The following ADAMTS9 variants were observed in gnomAD, a reference collection of about 807,000 sequenced individuals.
The protein encoded by ADAMTS9 is A disintegrin and metalloproteinase with thrombospondin motifs 9.
In ADAMTS9, 107 loss-of-function variants were observed where a neutral mutation model predicts 257.1. The ratio of observed to expected loss-of-function variants is 0.42; its 90% CI spans 0.36 to 0.49. ADAMTS9 has a LOEUF of 0.49. Among genes scored for constraint, ADAMTS9 ranks in the 20% least tolerant of loss-of-function variants. ADAMTS9 has a pLI of 0.03. For synonymous variants in ADAMTS9, 982 were observed against 880.9 expected, an observed-to-expected ratio of 1.11 and a Z score of -2.03; for missense variants, 2,353 against 2,469.1, an observed-to-expected ratio of 0.95 and a Z score of 1.00.
chr3:64,553,424 T>C (rs1479542994), intron 30 of ADAMTS9, among the ~76,000 whole-genome samples: 1 of 152,240 alleles, frequency 6.6e-6, no homozygotes, highest in Non-Finnish European at 1.5e-5. Context: ...TGTACGGATA[T>C]ACCACATTTT....
intron 4 of ADAMTS9, among the ~76,000 whole-genome samples, chr3:64,657,883 G>A (rs1031195395): frequency 6.6e-5 from 10 of 152,038 alleles, no homozygotes; most frequent in Middle Eastern, 3.2e-3. Context: ...TTAAAAAATC[G>A]TGCAAATTTA....
rs1326283918 is a variant in ADAMTS9, at chr3:64,594,282, T to C, written c.4332A>G (p.Ala1444=). 1.9e-6 allele frequency: 3 copies of C among 1,613,844 alleles called. No individual in the cohort carries two copies. Among genetic ancestry groups the C allele is most frequent in the African/African-American group, 1.3e-5 (1 of 74,914 alleles). ...CCGAGCTCCAAGGGCCAGTACTCCA[T>C]GCAGCGTCGTGTGGACAAGCATGTG... is the stretch of plus-strand genomic sequence containing the variant. ...CNTHACPHDA[A]WSTGPWSSCS... is the part of the protein sequence containing the mutation. The change falls in exon 28 of 40, where the codon GCA becomes GCG. Residue 1444 remains alanine (A), a synonymous_variant. Coordinates refer to ENST00000498707, the MANE Select transcript of ADAMTS9 (RefSeq NM_182920.2).
chr3:64,547,059 A>G, intron 31 of ADAMTS9, 107 bp from the exon 32 acceptor site: 1 of 989,116 alleles, frequency 1.0e-6, no homozygotes. Flanking sequence ...TATGCTGCAG[A>G]AAGCTCCCAC....
At chr3:64,563,220 C>T (rs2083458675) in intron 29 of ADAMTS9, 1 of 152,064 alleles carries the variant, frequency 6.6e-6, no homozygotes, top group African/African-American at 2.4e-5. Flanking sequence ...ATAATATTTC[C>T]CATTGATTAC....
chr3:64,668,978 A>G (rs1701417535), intron 3 of ADAMTS9, among the ~76,000 whole-genome samples: 1 of 152,122 alleles, frequency 6.6e-6, no homozygotes, highest in South Asian at 2.1e-4. Context: ...TAAGGCCTGC[A>G]GCTGAAACCC....
At chr3:64,632,015 A>T in intron 14 of ADAMTS9, 90 bp from the exon 15 acceptor site, 2 of 944,854 alleles carry the variant, frequency 2.1e-6, no homozygotes, top group South Asian at 3.1e-5. Flanking sequence ...GTGTGCACTA[A>T]AAATGACAAG....
chr3:64,637,880 A>G (rs1700539201), intron 12 of ADAMTS9, among the ~76,000 whole-genome samples: 1 of 152,210 alleles, frequency 6.6e-6, no homozygotes, highest in Non-Finnish European at 1.5e-5. Flanking sequence ...TCTTTTACTT[A>G]TTCATTAGTT....
chr3:64,541,926 T>C lies in ADAMTS9; in HGVS notation c.5109A>G (p.Gln1703=), dbSNP rs1226471719. The part of the protein sequence containing the change: ...CGVGVMQRSV[Q]CLTNEDQPSH... ...TGGGTTGGTCCTCATTGGTTAAACA[T>C]TGCACAGATCTCTGCATCACTCCAA... Residue 1703 remains glutamine, a synonymous_variant, in exon 33 of 40, where the codon CAA becomes CAG. Transcript: ENST00000498707. The C allele has an allele frequency of 6.2e-7, 1 of 1,614,130 alleles. No individual in the cohort carries two copies.
intron 37 of ADAMTS9, among the ~76,000 whole-genome samples, chr3:64,533,715 G>C (rs1313424644): frequency 6.6e-6 from 1 of 152,166 alleles, no homozygotes; most frequent in Non-Finnish European, 1.5e-5. Flanking sequence ...TGGGCTTCCA[G>C]CTCCCTGGGG....
At chr3:64,667,598 A>G (rs1236683545) in intron 3 of ADAMTS9, among the ~76,000 whole-genome samples, 1 of 152,106 alleles carries the variant, frequency 6.6e-6, no homozygotes, top group Non-Finnish European at 1.5e-5. Flanking sequence ...GCCTCCAGCT[A>G]CCTGGGGAGT....
intron 28 of ADAMTS9, chr3:64,589,126 C>T (rs939289315): frequency 1.3e-5 from 2 of 152,072 alleles, no homozygotes; most frequent in African/African-American, 4.8e-5. Context: ...TGATATCATC[C>T]TGTTAATCTG....
chr3:64,544,631 T>G (rs1251713112), intron 32 of ADAMTS9, among the ~76,000 whole-genome samples: 1 of 152,190 alleles, frequency 6.6e-6, no homozygotes, highest in African/African-American at 2.4e-5. Flanking sequence ...GATTAAAGAC[T>G]TAAATGTTAG....
Position 64,633,678 on chromosome 3 carries a change from G to C in ADAMTS9, c.2038+20C>G. ...AGTGCCGGCCGGCCAACGGTGAACA[G>C]ATACACCAGACACACTTACTTCCAC... On this transcript the variant is annotated intron_variant, in intron 13 of 39. Transcript: ENST00000498707. 6.2e-7 allele frequency: 1 copy of C among 1,613,720 alleles called. No individual in the cohort carries two copies. The highest frequency in any genetic ancestry group is 1.1e-5 in the South Asian group (1 of 91,060).
chr3:64,589,497 T>C (rs2084220280), intron 28 of ADAMTS9: 1 of 152,214 alleles, frequency 6.6e-6, no homozygotes, highest in Non-Finnish European at 1.5e-5. Context: ...AGCACCTCCC[T>C]CATGGGTTAA....
chr3:64,642,009 G>T lies in ADAMTS9; in HGVS notation c.1711-16C>A. 2 of 1,613,532 alleles carry T rather than the reference G, an allele frequency of 1.2e-6. No homozygotes were observed. Among genetic ancestry groups the T allele is most frequent in the Non-Finnish European group, 1.7e-6 (2 of 1,179,618 alleles). On this transcript the variant is annotated splice_polypyrimidine_tract_variant and intron_variant, in intron 11 of 39. Coordinates refer to ENST00000498707, the MANE Select transcript of ADAMTS9 (RefSeq NM_182920.2). The stretch of plus-strand genomic sequence containing the variant: ...ACTTGCAGTGCTGTATTTAATAAGG[G>T]GAATAGTGAGGGAGACTTGGCGCTG...
At chr3:64,574,264 G>C (rs1195402386) in intron 28 of ADAMTS9, among the ~76,000 whole-genome samples, 1 of 152,166 alleles carries the variant, frequency 6.6e-6, no homozygotes, top group Non-Finnish European at 1.5e-5. Flanking sequence ...ATTATGAGCA[G>C]GATATTGGGA....
In ADAMTS9 at chr3:64,654,373, G is replaced by A. The variant is rs767859551; in HGVS notation, c.1296C>T (p.Ile432=). The part of the protein sequence containing the change: ...EDSGLSTAFT[I]AHELGHVFNM... The stretch of plus-strand genomic sequence containing the variant: ...CTCACACATGGCCCAGCTCATGGGC[G>A]ATCGTAAAAGCTGTACTCAATCCAC... Residue 432 remains isoleucine (I), a synonymous_variant, in exon 8 of 40, where the codon ATC becomes ATT. Coordinates refer to ENST00000498707, the MANE Select transcript of ADAMTS9 (RefSeq NM_182920.2). 8 of 1,613,774 alleles carry A rather than the reference G, an allele frequency of 5.0e-6. No homozygotes were observed. Among genetic ancestry groups the A allele is most frequent in the Non-Finnish European group, 5.1e-6 (6 of 1,179,890 alleles).
intron 3 of ADAMTS9, among the ~76,000 whole-genome samples, chr3:64,679,913 T>C (rs1434568284): frequency 2.0e-5 from 3 of 152,232 alleles, no homozygotes; most frequent in Admixed American, 1.3e-4. Context: ...TTGATGTATC[T>C]AAGTATACTT....
chr3:64,655,554 G>A, intron 6 of ADAMTS9, 22 bp downstream of exon 6: 1 of 1,567,658 alleles, frequency 6.4e-7, no homozygotes, highest in Non-Finnish European at 8.8e-7. Context: ...TGAAAGATCT[G>A]AGGAATAAGA....
Sources: allele counts gnomAD v4.1 joint callset (sites outside exome capture counted in the v4.1 genomes callset), GRCh38; gene constraint gnomAD v4.1.1; transcripts MANE v1.5; gene names NCBI Gene and HGNC (gene_info 2026-07-23, HGNC 2026-07-21).